The following AFF3 variants were observed in gnomAD, a reference collection of about 807,000 sequenced individuals.
The protein encoded by AFF3 is AF4/FMR2 family member 3.
Under a neutral mutation model 129.7 loss-of-function variants are expected in AFF3, and 32 were observed. The ratio of observed to expected loss-of-function variants is 0.25; its 90% CI spans 0.19 to 0.33. AFF3 has a LOEUF of 0.33. AFF3 is among the 10% of genes least tolerant of loss of function. The pLI is 1.00. For missense variants in AFF3, 1,373 were observed against 1,592.0 expected, an observed-to-expected ratio of 0.86 and a Z score of 2.34; for synonymous variants, 644 against 635.4, an observed-to-expected ratio of 1.01 and a Z score of -0.20.
chr2:99,962,091 C>G (rs1435148213), intron 7 of AFF3, among the ~76,000 whole-genome samples: 1 of 152,128 alleles, frequency 6.6e-6, no homozygotes, highest in African/African-American at 2.4e-5. Context: ...TGAAAAGTAC[C>G]CAGCCCAGGA....
chr2:99,665,187 G>A (rs759086285), intron 12 of AFF3, among the ~76,000 whole-genome samples: 3 of 152,224 alleles, frequency 2.0e-5, no homozygotes, highest in African/African-American at 7.2e-5. Context: ...TTTGATCCCG[G>A]GTGGGATGGG....
At chr2:100,042,109 C>T (rs1685482152) in intron 4 of AFF3, among the ~76,000 whole-genome samples, 1 of 152,170 alleles carries the variant, frequency 6.6e-6, no homozygotes, top group Non-Finnish European at 1.5e-5. Context: ...TCTGCCCTGC[C>T]ACACTGGCCT....
At chr2:99,870,840 A>G (rs1432860791) in intron 7 of AFF3, among the ~76,000 whole-genome samples, 2 of 152,362 alleles carry the variant, frequency 1.3e-5, no homozygotes, top group East Asian at 3.9e-4. Context: ...TGATTTAAAT[A>G]CCATAATATG....
intron 11 of AFF3, among the ~76,000 whole-genome samples, chr2:99,673,180 T>C (rs530881252): frequency 2.0e-5 from 3 of 151,948 alleles, no homozygotes; most frequent in South Asian, 2.1e-4. Context: ...GGGGCTTTCA[T>C]GGTAAAGAGA....
intron 8 of AFF3, among the ~76,000 whole-genome samples, chr2:99,822,315 TG>T (rs11362285): frequency 0.89 from 122,700 of 137,766 alleles, 54,094 homozygotes; most frequent in African/African-American, 0.96. Flanking sequence ...GCTAAGACAC[TG>T]GGGGATGGGG....
rs192274115 is a variant in AFF3 at position 99,929,241 on chromosome 2, C to T, written c.873+77391G>A. On this transcript the variant is annotated intron_variant, in intron 7 of 24. Transcript: ENST00000672756. Reference sequence around the variant, plus strand: ...ACTCGGGAGGCTGAGGCAGGAGAATCGCTTGAACCCAGGAGGCAGAGGTTG... The same window carrying T: ...ACTCGGGAGGCTGAGGCAGGAGAATTGCTTGAACCCAGGAGGCAGAGGTTG... Among the ~76,000 whole-genome samples, 28 of 152,194 alleles carry T rather than the reference C, an allele frequency of 1.8e-4. No homozygotes were observed. The East Asian group carries it at 3.3e-3, about 18-fold the overall frequency.
At chr2:99,742,851 T>C (rs749048268) in intron 10 of AFF3, among the ~76,000 whole-genome samples, 11 of 152,188 alleles carry the variant, frequency 7.2e-5, no homozygotes, top group South Asian at 6.2e-4. Flanking sequence ...TCAACAAGAA[T>C]TTCCTTTGCT....
At chr2:99,988,479 A>G (rs1680064987) in intron 7 of AFF3, among the ~76,000 whole-genome samples, 1 of 152,172 alleles carries the variant, frequency 6.6e-6, no homozygotes, top group African/African-American at 2.4e-5. Flanking sequence ...TGTATGCCGG[A>G]CCCACAACTC....
chr2:100,013,622 GAGA>G (rs1200147323), intron 4 of AFF3, among the ~76,000 whole-genome samples: 3 of 152,146 alleles, frequency 2.0e-5, no homozygotes, highest in Admixed American at 2.0e-4. Context: ...GCCCAGTAGT[GAGA>G]AGTAGTTAAC....
chr2:99,557,434 C>T (rs924976017), intron 22 of AFF3, among the ~76,000 whole-genome samples: 7 of 152,106 alleles, frequency 4.6e-5, no homozygotes, highest in Admixed American at 4.6e-4. Context: ...TGCCTGCCAC[C>T]ACGCCTGGCG....
intron 7 of AFF3, among the ~76,000 whole-genome samples, chr2:99,847,145 C>G (rs116339948): frequency 6.6e-6 from 1 of 152,010 alleles, no homozygotes; most frequent in Non-Finnish European, 1.5e-5. Flanking sequence ...GATCTACCTA[C>G]AACACCCTAT....
In AFF3 at chr2:99,785,545, T is replaced by C. The variant is rs566617693; in HGVS notation, c.922-33244A>G. 4.6e-5 allele frequency among the ~76,000 whole-genome samples: 7 copies of C among 152,326 alleles called. 1 individual carries two copies. In the South Asian group the frequency reaches 6.2e-4, roughly 14 times the overall value. Reference sequence around the variant, plus strand: ...ATGCAATCTCATCACAGGTTCTACATGAACAATAAAAGGGGGACATTTTTA... The same window carrying C: ...ATGCAATCTCATCACAGGTTCTACACGAACAATAAAAGGGGGACATTTTTA... On this transcript the variant is annotated intron_variant, in intron 8 of 24. Transcript: ENST00000672756.
intron 8 of AFF3, among the ~76,000 whole-genome samples, chr2:99,765,412 C>G (rs1364051953): frequency 6.6e-6 from 1 of 152,168 alleles, no homozygotes; most frequent in East Asian, 1.9e-4. Context: ...GTCGCAATTG[C>G]AGAGAAGCAG....
chr2:100,032,807 T>G (rs149761640), intron 4 of AFF3, among the ~76,000 whole-genome samples: 19 of 152,338 alleles, frequency 1.2e-4, no homozygotes, highest in African/African-American at 4.6e-4. Flanking sequence ...GCATCAACAC[T>G]GTGTGTCTTA....
chr2:100,002,817 A>T (rs1266071482), intron 7 of AFF3, among the ~76,000 whole-genome samples: 1 of 152,192 alleles, frequency 6.6e-6, no homozygotes, highest in Non-Finnish European at 1.5e-5. Flanking sequence ...CTGAAGCTGT[A>T]ACTTGTCAAA....
At chr2:99,636,537 T>A (rs1683674045) in intron 13 of AFF3, among the ~76,000 whole-genome samples, 1 of 152,142 alleles carries the variant, frequency 6.6e-6, no homozygotes, top group Non-Finnish European at 1.5e-5. Flanking sequence ...TAGAAGGCAG[T>A]GTGACAATTC....
At chr2:99,907,032 T>C (rs1316274802) in intron 7 of AFF3, among the ~76,000 whole-genome samples, 3 of 152,132 alleles carry the variant, frequency 2.0e-5, no homozygotes, top group Non-Finnish European at 4.4e-5. Flanking sequence ...AGTCTATATG[T>C]GTACTACATG....
intron 22 of AFF3, among the ~76,000 whole-genome samples, chr2:99,558,163 T>C (rs1451867420): frequency 6.6e-6 from 1 of 152,162 alleles, no homozygotes; most frequent in East Asian, 1.9e-4. Context: ...CATTAAAAAT[T>C]AAATAAGCTA....
intron 8 of AFF3, among the ~76,000 whole-genome samples, chr2:99,822,823 C>T (rs903435509): frequency 5.9e-5 from 9 of 152,158 alleles, no homozygotes; most frequent in African/African-American, 2.2e-4. Flanking sequence ...TTATTTCTTG[C>T]CTTTTTCCAG....
Sources: gnomAD v4.1 joint callset for allele counts (sites outside exome capture counted in the v4.1 genomes callset) on GRCh38, gnomAD v4.1.1 for gene constraint, MANE v1.5 for transcripts, NCBI Gene and HGNC (gene_info 2026-07-23, HGNC 2026-07-21) for gene names.